Variants in MAX observed in about 807,000 individuals in gnomAD.
The protein encoded by MAX is MYC associated transcriptional regulator X.
A neutral mutation model predicts 22.3 loss-of-function variants in MAX; 3 were observed. That is an observed-to-expected ratio of 0.13 (90% CI 0.06 to 0.35). MAX has a LOEUF of 0.35. Ranked by LOEUF, MAX falls within the 10% of genes least tolerant of loss-of-function variation. MAX has a pLI of 1.00. For missense variants in MAX, 119 were observed against 209.4 expected, an observed-to-expected ratio of 0.57 and a Z score of 2.66; for synonymous variants, 72 against 77.7, an observed-to-expected ratio of 0.93 and a Z score of 0.39.
intron 3 of MAX, chr14:65,022,021 A>G (rs867016432): frequency 2.2e-6 from 1 of 456,070 alleles, no homozygotes. Flanking sequence ...CTTGATGAAG[A>G]GTCAAATAAC....
rs184158452 is a variant in MAX at position 65,061,036 on chromosome 14, A to C, written c.171+32672T>G. On this transcript the variant is annotated intron_variant, in intron 3 of 3. Transcript: ENST00000341653. ...CATGTACTAGATAGTTTTAGCAAAT[A>C]CACCATTTTTGAACCTTTGGGCTTT... 15 of 1,330,728 alleles carry C rather than the reference A, an allele frequency of 1.1e-5. No individual in the cohort carries two copies. In the African/African-American group the frequency reaches 1.9e-4, roughly 17 times the overall value. The allele number at this position is 1,330,728 out of a possible 1,614,324, so 82.4% of individuals were successfully genotyped here. A position where few individuals can be genotyped will look rare whatever the true frequency, so the allele number is the denominator to read the frequency against.
chr14:65,022,895 C>G (rs983511842), intron 3 of MAX, among the ~76,000 whole-genome samples: 2 of 152,160 alleles, frequency 1.3e-5, no homozygotes, highest in Admixed American at 6.5e-5. Flanking sequence ...ACCCATCCCC[C>G]ACCCCTGCCA....
At chr14:65,060,760 C>T (rs192955214) in intron 3 of MAX, among the ~76,000 whole-genome samples, 14 of 147,038 alleles carry the variant, frequency 9.5e-5, no homozygotes, top group African/African-American at 2.8e-4. Flanking sequence ...GTAATCCCAG[C>T]TACTCAGGAG....
At position 65,027,744 on chromosome 14, in the gene MAX, T is replaced by C; in HGVS notation, c.172-21460A>G. ...GTACTCCCTGAAGCAACCTGACGGC[T>C]CCTTTCTCATGCATGTCGGAGGTGA... On this transcript the variant is annotated intron_variant, in intron 3 of 3. Coordinates refer to the MAX transcript ENST00000341653. The surrounding 1 kb of genome is among the most constrained non-coding windows in gnomAD (Gnocchi z 5.7). 1 of 1,614,170 alleles carries C rather than the reference T, an allele frequency of 6.2e-7. No homozygotes were observed. Among genetic ancestry groups the C allele is most frequent in the Non-Finnish European group, 8.5e-7 (1 of 1,180,036 alleles).
At chr14:65,073,871 T>C (rs112984180), downstream of MAX, among the ~76,000 whole-genome samples, 395 of 152,312 alleles carry the variant, frequency 2.6e-3, no homozygotes, top group Non-Finnish European at 4.1e-3. Flanking sequence ...GTGGTTTGGA[T>C]TTTCCTAGGT....
At position 65,070,011 on chromosome 14, in the gene MAX, G is replaced by A. The variant is rs2062969090; in HGVS notation, c.171+23697C>T. On this transcript the variant is annotated intron_variant, in intron 3 of 3. Coordinates refer to the MAX transcript ENST00000341653. The surrounding 1 kb of genome is among the most constrained non-coding windows in gnomAD (Gnocchi z 4.4). ...CCCCTGCCACCCCAGAGCTGTTGAT[G>A]GCACCAGCAGACAGGAAACAATGAA... is the stretch of plus-strand genomic sequence containing the variant. 6.6e-6 allele frequency among the ~76,000 whole-genome samples: 1 copy of A among 152,228 alleles called. No homozygotes were observed. Among genetic ancestry groups the A allele is most frequent in the African/African-American group, 2.4e-5 (1 of 41,460 alleles).
chr14:65,071,136 T>G (rs943822567), downstream of MAX, among the ~76,000 whole-genome samples: 3 of 151,866 alleles, frequency 2.0e-5, no homozygotes, highest in Non-Finnish European at 4.4e-5. The surrounding 1 kb of genome is among the most constrained non-coding windows in gnomAD (Gnocchi z 4.2). Flanking sequence ...GGAGAGTTTA[T>G]TCACTCCACA....
intron 3 of MAX, chr14:65,040,680 G>T: frequency 5.4e-6 from 6 of 1,120,138 alleles, no homozygotes; most frequent in East Asian, 4.4e-5. Flanking sequence ...TAGTTGTGAT[G>T]GTTCACACCT....
intron 1 of MAX, 102 bp from the exon 2 acceptor site, chr14:65,101,674 G>A (rs888557970): frequency 7.8e-6 from 7 of 903,138 alleles, no homozygotes; most frequent in South Asian, 3.0e-5. Context: ...GGAAGCGGAG[G>A]GTGGGGAGTC....
intron 3 of MAX, among the ~76,000 whole-genome samples, chr14:65,087,673 T>C (rs2063376207): frequency 1.3e-5 from 2 of 152,226 alleles, no homozygotes; most frequent in African/African-American, 2.4e-5. Context: ...AACTTGCTTT[T>C]GATTTTACAG....
chr14:65,024,946 A>T (rs1051274044), intron 3 of MAX, among the ~76,000 whole-genome samples: 1 of 151,868 alleles, frequency 6.6e-6, no homozygotes, highest in African/African-American at 2.4e-5. Context: ...TGTTTTTTTT[A>T]AATATGTAGA....
In MAX at chr14:65,032,799, A is replaced by C. The variant is rs1213226194; in HGVS notation, c.172-26515T>G. ...GCAGAGGGACTTGGAAGGAAATACA[A>C]AAATCACAGGAGATCCATTAGGGTT... On this transcript the variant is annotated intron_variant, in intron 3 of 3. Transcript: ENST00000341653. This position sits in a 1 kb window ranked among gnomAD's most constrained non-coding sequence, Gnocchi z 5.0. The C allele has an allele frequency of 1.8e-6, 2 of 1,118,144 alleles. No homozygotes were observed. The highest frequency in any genetic ancestry group is 2.5e-6 in the Non-Finnish European group (2 of 801,868). 69.3% of individuals were successfully genotyped at this position (1,118,144 alleles called of 1,614,324 possible). A position where few individuals can be genotyped will look rare whatever the true frequency, so the allele number is the denominator to read the frequency against.
intron 3 of MAX, among the ~76,000 whole-genome samples, chr14:65,055,956 CT>C (rs778772343): frequency 4.6e-5 from 7 of 152,184 alleles, no homozygotes; most frequent in South Asian, 2.1e-4. Flanking sequence ...TTATTTCCCC[CT>C]ATTTGCCTCT....
chr14:65,064,814 G>T (rs1311471292), intron 3 of MAX, among the ~76,000 whole-genome samples: 2 of 152,238 alleles, frequency 1.3e-5, no homozygotes, highest in Non-Finnish European at 2.9e-5. Flanking sequence ...ATGCTAGAGA[G>T]GCAAATGGCC....
rs2061916435 is a variant in MAX at position 65,023,003 on chromosome 14, T to A, written c.172-16719A>T. Among the ~76,000 whole-genome samples the A allele has an allele frequency of 6.6e-6, 1 of 152,216 alleles. No homozygotes were observed. The highest frequency in any genetic ancestry group is 6.5e-5 in the Admixed American group (1 of 15,282). On this transcript the variant is annotated intron_variant, in intron 3 of 3. Transcript: ENST00000341653. This position sits in a 1 kb window ranked among gnomAD's most constrained non-coding sequence, Gnocchi z 4.1. ...CTGCTCATTTTGTATTATATGCTTA[T>A]TTACTGTACATGCCTTTGAATCCTT...
intron 3 of MAX, chr14:65,006,290 G>A: frequency 1.2e-6 from 2 of 1,613,044 alleles, no homozygotes; most frequent in African/African-American, 2.7e-5. Flanking sequence ...GTTCCCTGGG[G>A]AAGGAAAGGA....
intron 3 of MAX, among the ~76,000 whole-genome samples, chr14:65,018,876 C>T (rs2061831529): frequency 6.7e-6 from 1 of 149,354 alleles, no homozygotes; most frequent in African/African-American, 2.5e-5. Context: ...TTTGGGAGAA[C>T]GAAGTGGGTG....
rs1353625025 is a variant in MAX, at chr14:65,077,379, G to A, written c.295+534C>T. 1.2e-6 allele frequency: 2 copies of A among 1,613,848 alleles called. No individual in the cohort carries two copies. Among genetic ancestry groups the A allele is most frequent in the African/African-American group, 1.3e-5 (1 of 74,908 alleles). On this transcript the variant is annotated intron_variant, in intron 4 of 4. Transcript: ENST00000358664. This position sits in a 1 kb window ranked among gnomAD's most constrained non-coding sequence, Gnocchi z 6.3. Reference sequence around the variant, plus strand: ...ACTTGCATCTTCCATGAGGGAGGAAGAGAAGTGAATTCCCCAGGAACAAAG... The same window carrying A: ...ACTTGCATCTTCCATGAGGGAGGAAAAGAAGTGAATTCCCCAGGAACAAAG...
chr14:65,027,906 G>C lies in MAX; in HGVS notation c.172-21622C>G. 1.6e-6 allele frequency: 2 copies of C among 1,234,666 alleles called. No individual in the cohort carries two copies. The highest frequency in any genetic ancestry group is 2.3e-6 in the Non-Finnish European group (2 of 870,932). The allele number at this position is 1,234,666 out of a possible 1,614,324, so 76.5% of individuals were successfully genotyped here. ...TTTGTCCCAGAATGACACATGGGAT[G>C]ACATGTCAGTGACACGTCAGAATCA... On this transcript the variant is annotated intron_variant, in intron 3 of 3. Transcript: ENST00000341653. This position sits in a 1 kb window ranked among gnomAD's most constrained non-coding sequence, Gnocchi z 5.7.
Sources: allele counts gnomAD v4.1 joint callset (sites outside exome capture counted in the v4.1 genomes callset), GRCh38; gene constraint gnomAD v4.1.1; non-coding constraint Gnocchi (gnomAD v3.1); transcripts MANE v1.5; gene names NCBI Gene and HGNC (gene_info 2026-07-23, HGNC 2026-07-21).